Variants in HS6ST3 observed in about 807,000 individuals in gnomAD.
HS6ST3 encodes heparan-sulfate 6-O-sulfotransferase 3.
Under a neutral mutation model 36.7 loss-of-function variants are expected in HS6ST3, and 12 were observed. That is an observed-to-expected ratio of 0.33 (90% CI 0.21 to 0.53). The LOEUF (loss-of-function observed/expected upper bound fraction) is 0.53, where lower values mean the gene tolerates loss of function less well. Among genes scored for constraint, HS6ST3 ranks in the 20% least tolerant of loss-of-function variants. The pLI is 0.95. For missense variants in HS6ST3, 584 were observed against 640.9 expected (o/e 0.91, Z 0.96); for synonymous variants, 240 against 257.5 (o/e 0.93, Z 0.65).
intron 1 of HS6ST3, among the ~76,000 whole-genome samples, chr13:96,338,407 C>T (rs61966935): frequency 0.084 from 12,709 of 152,148 alleles, 580 homozygotes; most frequent in Middle Eastern, 0.12. Context: ...TTCACTTATC[C>T]CTGGTGTACT....
intron 1 of HS6ST3, among the ~76,000 whole-genome samples, chr13:96,396,948 A>G (rs1269974989): frequency 2.0e-5 from 3 of 152,208 alleles, no homozygotes; most frequent in Non-Finnish European, 2.9e-5. Context: ...CACGCCTGTA[A>G]TCCTTGCACT....
chr13:96,115,608 A>G (rs1458130812), intron 1 of HS6ST3, among the ~76,000 whole-genome samples: 1 of 152,164 alleles, frequency 6.6e-6, no homozygotes, highest in Non-Finnish European at 1.5e-5. Flanking sequence ...ATAGTATTCC[A>G]TGGTGTATAT....
chr13:96,511,563 A>AT (rs2138920185), intron 1 of HS6ST3, among the ~76,000 whole-genome samples: 1 of 151,822 alleles, frequency 6.6e-6, no homozygotes, highest in South Asian at 2.1e-4. Context: ...TACTTAGCCC[A>AT]TTTTTAAAAT....
intron 1 of HS6ST3, among the ~76,000 whole-genome samples, chr13:96,816,843 A>G (rs1416102402): frequency 6.6e-6 from 1 of 152,154 alleles, no homozygotes; most frequent in East Asian, 1.9e-4. Flanking sequence ...ACTCTGATAT[A>G]ATGTTTTTGG....
At chr13:96,555,873 C>G (rs192996643) in intron 1 of HS6ST3, among the ~76,000 whole-genome samples, 1 of 151,902 alleles carries the variant, frequency 6.6e-6, no homozygotes, top group African/African-American at 2.4e-5. Context: ...GAAGTCAATA[C>G]ATTATTGTCT....
At chr13:96,628,890 C>T (rs890723490) in intron 1 of HS6ST3, among the ~76,000 whole-genome samples, 5 of 151,748 alleles carry the variant, frequency 3.3e-5, no homozygotes, top group South Asian at 2.1e-4. Flanking sequence ...TACACATGAA[C>T]GAAATGTGAA....
chr13:96,808,642 G>T (rs944386743), intron 1 of HS6ST3, among the ~76,000 whole-genome samples: 1 of 152,168 alleles, frequency 6.6e-6, no homozygotes, highest in African/African-American at 2.4e-5. Flanking sequence ...TCTTCTGACC[G>T]ATCCAGCACT....
At chr13:96,481,538 C>T (rs562580863) in intron 1 of HS6ST3, among the ~76,000 whole-genome samples, 2 of 152,304 alleles carry the variant, frequency 1.3e-5, no homozygotes, top group South Asian at 2.1e-4. Context: ...GCTTAACCCC[C>T]AGACTGGTAA....
intron 1 of HS6ST3, among the ~76,000 whole-genome samples, chr13:96,705,838 G>A (rs1875408971): frequency 6.6e-6 from 1 of 152,124 alleles, no homozygotes; most frequent in Non-Finnish European, 1.5e-5. Flanking sequence ...CTGGGCACAG[G>A]CACAGGTGAC....
intron 1 of HS6ST3, among the ~76,000 whole-genome samples, chr13:96,154,370 G>C (rs751627852): frequency 3.9e-5 from 6 of 152,004 alleles, no homozygotes; most frequent in African/African-American, 1.2e-4. Flanking sequence ...ATAACAGATA[G>C]GTAAGTTTCA....
At chr13:96,230,068 A>T (rs1392651066) in intron 1 of HS6ST3, among the ~76,000 whole-genome samples, 1 of 152,180 alleles carries the variant, frequency 6.6e-6, no homozygotes, top group Non-Finnish European at 1.5e-5. Context: ...TTGGCAGAAG[A>T]TGAGTCTAAA....
intron 1 of HS6ST3, among the ~76,000 whole-genome samples, chr13:96,199,229 C>T (rs972988667): frequency 6.6e-6 from 1 of 152,166 alleles, no homozygotes; most frequent in Non-Finnish European, 1.5e-5. Flanking sequence ...CACAGCCAAA[C>T]CATATTAACA....
chr13:96,667,351 A>G (rs186975963), intron 1 of HS6ST3, among the ~76,000 whole-genome samples: 2 of 152,298 alleles, frequency 1.3e-5, no homozygotes, highest in East Asian at 1.9e-4. Context: ...TGCAGAAAAT[A>G]TGCCTTCTGG....
At chr13:96,380,692 A>G (rs2055336677) in intron 1 of HS6ST3, among the ~76,000 whole-genome samples, 1 of 152,228 alleles carries the variant, frequency 6.6e-6, no homozygotes, top group Admixed American at 6.5e-5. Context: ...TCTAGCCGCT[A>G]AATAAAGAAA....
intron 1 of HS6ST3, among the ~76,000 whole-genome samples, chr13:96,238,257 TGTCA>T (rs560178685): frequency 4.3e-4 from 65 of 152,326 alleles, no homozygotes; most frequent in Middle Eastern, 3.4e-3. Context: ...CAAAACTGTC[TGTCA>T]TAGTACAGGC....
At chr13:96,667,550 T>C (rs552350529) in intron 1 of HS6ST3, among the ~76,000 whole-genome samples, 23 of 152,272 alleles carry the variant, frequency 1.5e-4, no homozygotes, top group African/African-American at 5.1e-4. Flanking sequence ...TATTTAGCCT[T>C]CCACCAGAAC....
In HS6ST3 at chr13:96,771,188, G is replaced by A. The variant is rs551435878; in HGVS notation, c.708-61302G>A. On this transcript the variant is annotated intron_variant, in intron 1 of 1. Coordinates refer to ENST00000376705, the MANE Select transcript of HS6ST3 (RefSeq NM_153456.4). ...TCGCAAGGCCAAAAAAACCAACACC[G>A]CATGTTCTCACTCATAGGTGGGAAT... Among the ~76,000 whole-genome samples the A allele has an allele frequency of 1.3e-4, 19 of 148,502 alleles. 1 individual carries two copies. In the East Asian group the frequency reaches 1.4e-3, roughly 11 times the overall value.
chr13:96,579,580 G>T (rs570401340), intron 1 of HS6ST3, among the ~76,000 whole-genome samples: 4 of 151,940 alleles, frequency 2.6e-5, no homozygotes, highest in East Asian at 1.9e-4. Flanking sequence ...AAAAAAGTTT[G>T]TAGAATTGGT....
intron 1 of HS6ST3, among the ~76,000 whole-genome samples, chr13:96,546,583 C>T (rs999363104): frequency 7.2e-5 from 11 of 152,230 alleles, no homozygotes; most frequent in African/African-American, 1.9e-4. Flanking sequence ...TGCCTAACAT[C>T]GTTTTAAAAT....
Sources: gnomAD v4.1 joint callset for allele counts (sites outside exome capture counted in the v4.1 genomes callset) on GRCh38, gnomAD v4.1.1 for gene constraint, MANE v1.5 for transcripts, NCBI Gene and HGNC (gene_info 2026-07-23, HGNC 2026-07-21) for gene names.